The following CDH13 variants were observed in gnomAD, a reference collection of about 807,000 sequenced individuals.
The protein encoded by CDH13 is cadherin 13.
A neutral mutation model predicts 63.8 loss-of-function variants in CDH13; 24 were observed. The observed-to-expected ratio is 0.38, with a 90% CI of 0.27 to 0.53. CDH13 has a LOEUF of 0.53. CDH13 is among the 20% of genes least tolerant of loss of function. The probability of loss-of-function intolerance (pLI) is 0.85; values close to 1 mark genes in which losing one functional copy is unlikely to be tolerated. For synonymous variants in CDH13, 503 were observed against 355.3 expected (o/e 1.42, Z -4.67); for missense variants, 1,049 against 903.1 (o/e 1.16, Z -2.07).
intron 6 of CDH13, among the ~76,000 whole-genome samples, chr16:83,409,564 G>A (rs906685864): frequency 6.6e-6 from 1 of 152,190 alleles, no homozygotes; most frequent in African/African-American, 2.4e-5. Context: ...ATACTGGCTG[G>A]AGTTTCACCA....
chr16:83,035,591 G>A (rs535569881), intron 3 of CDH13, among the ~76,000 whole-genome samples: 1 of 152,322 alleles, frequency 6.6e-6, no homozygotes, highest in East Asian at 1.9e-4. Flanking sequence ...GGATGGAAGT[G>A]AGACTTGAGC....
intron 6 of CDH13, among the ~76,000 whole-genome samples, chr16:83,426,948 A>G (rs1344352009): frequency 1.0e-5 from 1 of 96,378 alleles, no homozygotes; most frequent in Admixed American, 1.6e-4. Context: ...TTGAAGACGG[A>G]GTCTCGCTTG....
At chr16:83,190,098 C>T (rs899852484) in intron 4 of CDH13, among the ~76,000 whole-genome samples, 1 of 152,124 alleles carries the variant, frequency 6.6e-6, no homozygotes, top group Non-Finnish European at 1.5e-5. Flanking sequence ...TTATTAGCAG[C>T]GTGAGAACAG....
chr16:83,057,273 T>G (rs949942735), intron 3 of CDH13, among the ~76,000 whole-genome samples: 2 of 152,196 alleles, frequency 1.3e-5, no homozygotes, highest in Admixed American at 6.5e-5. Flanking sequence ...GTCTCAGGTA[T>G]GTCTTTATTA....
At chr16:82,655,844 A>G (rs573260836) in intron 1 of CDH13, among the ~76,000 whole-genome samples, 1 of 152,306 alleles carries the variant, frequency 6.6e-6, no homozygotes, top group Admixed American at 6.5e-5. Context: ...GGTCGCCCAG[A>G]TAGGAAGCAA....
At chr16:82,676,732 T>A (rs1913955003) in intron 1 of CDH13, among the ~76,000 whole-genome samples, 2 of 152,118 alleles carry the variant, frequency 1.3e-5, no homozygotes, top group South Asian at 4.1e-4. Context: ...TTGCATGAGA[T>A]GCACTTTCTG....
chr16:83,329,994 G>A (rs1057262879), intron 5 of CDH13, among the ~76,000 whole-genome samples: 5 of 152,138 alleles, frequency 3.3e-5, no homozygotes, highest in East Asian at 1.9e-4. Context: ...ACATGAGTAC[G>A]CAAATATATC....
chr16:83,248,922 A>G (rs963201594), intron 5 of CDH13, among the ~76,000 whole-genome samples: 1 of 152,104 alleles, frequency 6.6e-6, no homozygotes, highest in Admixed American at 6.5e-5. Context: ...TCCAAACTGA[A>G]CTCAACACTT....
chr16:83,772,116 C>G lies in CDH13; in HGVS notation c.1682-7852C>G, dbSNP rs549012836. Among the ~76,000 whole-genome samples the G allele has an allele frequency of 5.9e-5, 9 of 152,186 alleles. No individual in the cohort carries two copies. In the East Asian group the frequency reaches 1.2e-3, roughly 20 times the overall value. On this transcript the variant is annotated intron_variant, in intron 11 of 13. Coordinates refer to ENST00000567109, the MANE Select transcript of CDH13 (RefSeq NM_001257.5). The stretch of plus-strand genomic sequence containing the variant: ...TATTTGAGAACCTTAAATGAGATGC[C>G]TATTAAACTATCCATGTATACAAAT...
chr16:83,725,477 T>A (rs534276207), intron 10 of CDH13: 1 of 152,472 alleles, frequency 6.6e-6, no homozygotes, highest in East Asian at 1.9e-4. Flanking sequence ...TCACCCACCT[T>A]ATCACATGTG....
At chr16:82,731,862 T>C (rs889099962) in intron 1 of CDH13, among the ~76,000 whole-genome samples, 8 of 152,238 alleles carry the variant, frequency 5.3e-5, no homozygotes, top group African/African-American at 1.7e-4. Context: ...ATATTGGTTT[T>C]TGTGTAGAGC....
intron 2 of CDH13, among the ~76,000 whole-genome samples, chr16:82,989,669 C>T (rs1220770344): frequency 6.6e-6 from 1 of 152,220 alleles, no homozygotes; most frequent in Non-Finnish European, 1.5e-5. Flanking sequence ...TCTCAGCAGT[C>T]ATGCTGTATT....
At chr16:83,297,233 A>G (rs1597690649) in intron 5 of CDH13, among the ~76,000 whole-genome samples, 3 of 152,272 alleles carry the variant, frequency 2.0e-5, no homozygotes, top group Admixed American at 1.3e-4. Flanking sequence ...AGGATTTTGA[A>G]TGCTCTCAAC....
chr16:83,373,031 A>G (rs2091400468), intron 6 of CDH13, among the ~76,000 whole-genome samples: 2 of 152,226 alleles, frequency 1.3e-5, no homozygotes, highest in South Asian at 4.1e-4. Flanking sequence ...GTTTATCGTC[A>G]TATCAATAAA....
intron 8 of CDH13, among the ~76,000 whole-genome samples, chr16:83,622,341 C>T (rs990113334): frequency 6.6e-6 from 1 of 152,152 alleles, no homozygotes; most frequent in Non-Finnish European, 1.5e-5. Context: ...CCCTGAGCTT[C>T]TACACACTCT....
At chr16:83,171,575 C>T in intron 4 of CDH13, 1 of 1,532,056 alleles carries the variant, frequency 6.5e-7, no homozygotes. Context: ...GAGATAAGTG[C>T]ACAGGAAATT....
At chr16:82,879,256 C>T (rs924009603) in intron 2 of CDH13, among the ~76,000 whole-genome samples, 3 of 151,870 alleles carry the variant, frequency 2.0e-5, no homozygotes, top group Non-Finnish European at 4.4e-5. Context: ...AGAAAAAGCT[C>T]CTTAGCTTCT....
intron 1 of CDH13, among the ~76,000 whole-genome samples, chr16:82,854,826 G>T (rs1297313987): frequency 6.6e-6 from 1 of 152,138 alleles, no homozygotes; most frequent in Admixed American, 6.5e-5. Context: ...CTTAAATTAT[G>T]ATTTGTTAAT....
chr16:82,882,726 G>A (rs1188650192), intron 2 of CDH13, among the ~76,000 whole-genome samples: 1 of 150,360 alleles, frequency 6.7e-6, no homozygotes, highest in East Asian at 2.0e-4. Flanking sequence ...CAGTATGTAT[G>A]TCTAATACAT....
Sources: gnomAD v4.1 joint callset for allele counts (sites outside exome capture counted in the v4.1 genomes callset) on GRCh38, gnomAD v4.1.1 for gene constraint, MANE v1.5 for transcripts, NCBI Gene and HGNC (gene_info 2026-07-23, HGNC 2026-07-21) for gene names.